The following GPC5 variants were observed in gnomAD, a reference collection of about 807,000 sequenced individuals.
The protein encoded by GPC5 is glypican 5.
GPC5 carries 47 observed loss-of-function variants against 53.9 expected under a neutral mutation model. That is an observed-to-expected ratio of 0.87 (90% CI 0.69 to 1.11). The LOEUF (loss-of-function observed/expected upper bound fraction) is 1.11. Among genes scored for constraint, GPC5 ranks in the 50% most tolerant of loss-of-function variants. The pLI, the probability that GPC5 is intolerant of heterozygous loss-of-function variation, is 0.00. For synonymous variants in GPC5, 286 were observed against 263.3 expected, an observed-to-expected ratio of 1.09 and a Z score of -0.84; for missense variants, 748 against 713.1, an observed-to-expected ratio of 1.05 and a Z score of -0.56.
chr13:91,428,456 A>G (rs1879210088), intron 1 of GPC5, among the ~76,000 whole-genome samples: 1 of 152,222 alleles, frequency 6.6e-6, no homozygotes, highest in South Asian at 2.1e-4. Context: ...ACCAATCAGG[A>G]ACTGAGGCTT....
At chr13:91,776,849 A>G (rs563529958) in intron 5 of GPC5, among the ~76,000 whole-genome samples, 106 of 152,212 alleles carry the variant, frequency 7.0e-4, no homozygotes, top group Non-Finnish European at 6.2e-4. Flanking sequence ...GTTGAAGTCT[A>G]ATTTACTGTT....
At chr13:91,404,551 T>C (rs1877181626) in intron 1 of GPC5, among the ~76,000 whole-genome samples, 1 of 152,246 alleles carries the variant, frequency 6.6e-6, no homozygotes, top group African/African-American at 2.4e-5. Context: ...CTTGAACTTT[T>C]CAGTTTTAGT....
intron 7 of GPC5, among the ~76,000 whole-genome samples, chr13:92,613,406 A>ATATAAATGTGATATATAT (rs1566320427): frequency 1.6e-5 from 1 of 62,780 alleles, no homozygotes; most frequent in African/African-American, 6.1e-5. Context: ...TATATATTAT[A>ATATAAATGTGATATATAT]TTATATATAA....
At chr13:91,837,935 A>G (rs1289391628) in intron 5 of GPC5, among the ~76,000 whole-genome samples, 3 of 152,120 alleles carry the variant, frequency 2.0e-5, no homozygotes, top group Non-Finnish European at 4.4e-5. Context: ...TCAGAAATCC[A>G]GAAAGCTGAA....
At chr13:92,695,131 T>C (rs757459216) in intron 7 of GPC5, among the ~76,000 whole-genome samples, 1 of 152,196 alleles carries the variant, frequency 6.6e-6, no homozygotes, top group African/African-American at 2.4e-5. Flanking sequence ...CTTTCCTTTA[T>C]AAATTATCCA....
intron 5 of GPC5, among the ~76,000 whole-genome samples, chr13:91,797,120 C>T (rs1053580173): frequency 6.6e-6 from 1 of 151,956 alleles, no homozygotes; most frequent in African/African-American, 2.4e-5. Flanking sequence ...TTGATAGTTG[C>T]CTAAAGAAAA....
intron 7 of GPC5, among the ~76,000 whole-genome samples, chr13:92,502,018 G>A (rs376308128): frequency 1.8e-4 from 28 of 152,132 alleles, no homozygotes; most frequent in East Asian, 9.7e-4. Flanking sequence ...AAAGAAGAGC[G>A]ACAAAAATGG....
chr13:92,710,443 A>G (rs1197147890), intron 7 of GPC5, among the ~76,000 whole-genome samples: 2 of 152,230 alleles, frequency 1.3e-5, no homozygotes, highest in Non-Finnish European at 2.9e-5. Context: ...AATTGCAAAA[A>G]ATCTGTTGAA....
At chr13:92,439,199 A>G (rs1594203296) in intron 7 of GPC5, among the ~76,000 whole-genome samples, 1 of 152,194 alleles carries the variant, frequency 6.6e-6, no homozygotes, top group Non-Finnish European at 1.5e-5. Flanking sequence ...TACTGAGAAG[A>G]AATAACTCCC....
intron 5 of GPC5, among the ~76,000 whole-genome samples, chr13:91,783,859 T>C (rs770629223): frequency 6.6e-6 from 1 of 152,250 alleles, no homozygotes; most frequent in Non-Finnish European, 1.5e-5. Flanking sequence ...CAGTGATTAA[T>C]GCCATCAAAT....
Position 91,648,720 on chromosome 13 carries a change from G to A in GPC5, c.326-44467G>A, listed in dbSNP as rs1035522474. Among the ~76,000 whole-genome samples the A allele has an allele frequency of 7.3e-5, 11 of 150,494 alleles. No homozygotes were observed. The East Asian group carries it at 1.3e-3, about 18-fold the overall frequency. On this transcript the variant is annotated intron_variant, in intron 2 of 7. Transcript: ENST00000377067. ...CATACACATGCATGCACACACACAC[G>A]TACACTCAGATATATTACCACCATT... is the stretch of plus-strand genomic sequence containing the variant.
In GPC5 at chr13:91,920,906, A is replaced by ATCTC. The variant is rs760550410; in HGVS notation, c.1401+12867_1401+12870dup. On this transcript the variant is annotated intron_variant, in intron 6 of 7. Coordinates refer to ENST00000377067, the MANE Select transcript of GPC5 (RefSeq NM_004466.6). ...TTGTACCACTTTATCCTTTTTTTAA[A>ATCTC]TCTCTCTCTCTCTCTCTCTCTTTTT... 4.0e-3 allele frequency among the ~76,000 whole-genome samples: 255 copies of ATCTC among 63,158 alleles called. 3 individuals carry two copies. Among genetic ancestry groups the ATCTC allele is most frequent in the East Asian group, 0.035 (51 of 1,466 alleles). The allele number at this position is 63,158 out of a possible 152,430, so 41.4% of individuals were successfully genotyped here. A position where few individuals can be genotyped will look rare whatever the true frequency, so the allele number is the denominator to read the frequency against.
chr13:91,854,590 T>G (rs2038947582), intron 5 of GPC5, among the ~76,000 whole-genome samples: 1 of 151,704 alleles, frequency 6.6e-6, no homozygotes, highest in African/African-American at 2.4e-5. Context: ...CCTTCTATTC[T>G]CTATCTCCAT....
intron 7 of GPC5, among the ~76,000 whole-genome samples, chr13:92,239,463 T>A (rs1019718956): frequency 6.6e-6 from 1 of 152,012 alleles, no homozygotes; most frequent in African/African-American, 2.4e-5. Flanking sequence ...TATTAAACCA[T>A]CCATAGTGTT....
intron 7 of GPC5, among the ~76,000 whole-genome samples, chr13:92,354,610 C>T (rs1174406541): frequency 1.3e-5 from 2 of 152,028 alleles, no homozygotes; most frequent in Non-Finnish European, 2.9e-5. Context: ...AATAAGTAAA[C>T]AAACATATAA....
intron 4 of GPC5, among the ~76,000 whole-genome samples, chr13:91,748,394 G>A (rs2037097785): frequency 6.6e-6 from 1 of 152,082 alleles, no homozygotes; most frequent in African/African-American, 2.4e-5. Context: ...CTAGGAATAG[G>A]TCCCCTAATT....
chr13:92,159,197 A>G (rs1337347100), intron 7 of GPC5, among the ~76,000 whole-genome samples: 1 of 152,148 alleles, frequency 6.6e-6, no homozygotes, highest in Non-Finnish European at 1.5e-5. Flanking sequence ...TTCTCCTTCC[A>G]GGTATTATAC....
chr13:91,880,373 A>G (rs1183441889), intron 5 of GPC5, among the ~76,000 whole-genome samples: 3 of 152,072 alleles, frequency 2.0e-5, no homozygotes, highest in Non-Finnish European at 4.4e-5. Flanking sequence ...TATTTGTTAA[A>G]GAATGAACTC....
At chr13:92,438,379 AATAAATAT>A (rs200648149) in intron 7 of GPC5, among the ~76,000 whole-genome samples, 14,125 of 98,406 alleles carry the variant, frequency 0.14, 800 homozygotes, top group Admixed American at 0.26. Flanking sequence ...TTTAAAGCAA[AATAAATAT>A]ATATATATAT....
Sources: gnomAD v4.1 joint callset for allele counts (sites outside exome capture counted in the v4.1 genomes callset) on GRCh38, gnomAD v4.1.1 for gene constraint, MANE v1.5 for transcripts, NCBI Gene and HGNC (gene_info 2026-07-23, HGNC 2026-07-21) for gene names.